The following COL11A1 variants were observed in gnomAD, a reference collection of about 807,000 sequenced individuals.
The protein encoded by COL11A1 is collagen alpha-1(XI) chain.
Under a neutral mutation model 265.2 loss-of-function variants are expected in COL11A1, and 74 were observed. That is an observed-to-expected ratio of 0.28 (90% CI 0.23 to 0.34). The LOEUF (loss-of-function observed/expected upper bound fraction) is 0.34, where lower values mean the gene tolerates loss of function less well. Among genes scored for constraint, COL11A1 ranks in the 10% least tolerant of loss-of-function variants. COL11A1 has a pLI of 1.00. For missense variants in COL11A1, 2,165 were observed against 2,263.6 expected (o/e 0.96, Z 0.88); for synonymous variants, 816 against 727.6 (o/e 1.12, Z -1.96).
intron 54 of COL11A1, among the ~76,000 whole-genome samples, chr1:102,903,342 G>A (rs185215412): frequency 6.6e-6 from 1 of 152,168 alleles, no homozygotes; most frequent in African/African-American, 2.4e-5. Context: ...TATTCTGTTA[G>A]GAAGTTTTAT....
chr1:103,108,435 G>T lies in COL11A1; in HGVS notation c.-257C>A, dbSNP rs1401184125. On this transcript the variant is annotated 5_prime_UTR_variant, in exon 1 of 67. Transcript: ENST00000370096. Reference sequence around the variant, plus strand: ...CGACCCTCTGATCCTTCCTCTGCCGGGCCCTGCCTTCAGAATGAAGGCAGA... The same window carrying T: ...CGACCCTCTGATCCTTCCTCTGCCGTGCCCTGCCTTCAGAATGAAGGCAGA... 1.7e-6 allele frequency: 1 copy of T among 602,304 alleles called. No individual in the cohort carries two copies. The allele number at this position is 602,304 out of a possible 1,614,324, so 37.3% of individuals were successfully genotyped here. A position where few individuals can be genotyped will look rare whatever the true frequency, so the allele number is the denominator to read the frequency against.
At chr1:102,908,056 A>G (rs1023219442) in intron 54 of COL11A1, among the ~76,000 whole-genome samples, 1 of 152,104 alleles carries the variant, frequency 6.6e-6, no homozygotes, top group Admixed American at 6.6e-5. Context: ...TTTTGAAAAC[A>G]TTCTTCCCAA....
intron 63 of COL11A1, chr1:102,884,590 G>A (rs1278432634): frequency 6.6e-6 from 1 of 152,180 alleles, no homozygotes; most frequent in Admixed American, 6.5e-5. Flanking sequence ...CTTCCTCTGG[G>A]AACACTAAAC....
chr1:103,096,692 T>G (rs1365544473), intron 1 of COL11A1, among the ~76,000 whole-genome samples: 2 of 151,968 alleles, frequency 1.3e-5, no homozygotes, highest in Non-Finnish European at 2.9e-5. Flanking sequence ...TTGAATAATT[T>G]CCACTGAAAG....
At position 103,004,661 on chromosome 1, in the gene COL11A1, C is replaced by G; in HGVS notation, c.1846G>C (p.Gly616Arg). 6.2e-7 allele frequency: 1 copy of G among 1,608,630 alleles called. No homozygotes were observed. Residue 616 changes from glycine (G) to arginine (R), a missense_variant and splice_region_variant, in exon 19 of 67, where the codon GGT becomes CGT. Transcript: ENST00000370096. ...PGLPGDKGHR[G>R]ERGPQGPPGP... is the part of the protein sequence containing the mutation. ...GGAGGACCTTGAGGACCTCGTTCAC[C>G]CTGTTAAATCAATACAAATAAGATT...
intron 57 of COL11A1, among the ~76,000 whole-genome samples, chr1:102,891,997 A>T (rs10874662): frequency 6.6e-6 from 1 of 151,938 alleles, no homozygotes; most frequent in Non-Finnish European, 1.5e-5. Context: ...ATACAAGTGA[A>T]ACTACGCAGG....
chr1:102,888,077 A>G (rs1291942191), intron 62 of COL11A1, among the ~76,000 whole-genome samples: 1 of 152,226 alleles, frequency 6.6e-6, no homozygotes, highest in East Asian at 1.9e-4. Context: ...TTTTAGCTCA[A>G]GAAAGAAGAA....
At chr1:103,063,201 T>A (rs946940460) in intron 4 of COL11A1, among the ~76,000 whole-genome samples, 2 of 152,076 alleles carry the variant, frequency 1.3e-5, no homozygotes, top group Non-Finnish European at 2.9e-5. Flanking sequence ...ATTTTGTGGA[T>A]CTTTCCAAAC....
At chr1:102,879,561 G>A (rs949586820) in intron 66 of COL11A1, 122 bp downstream of exon 66, 2 of 822,274 alleles carry the variant, frequency 2.4e-6, no homozygotes, top group Non-Finnish European at 2.0e-6. Flanking sequence ...TCAAGATTAA[G>A]CAACAAATGT....
At chr1:103,007,627 G>A (rs1236754232) in intron 15 of COL11A1, among the ~76,000 whole-genome samples, 3 of 152,054 alleles carry the variant, frequency 2.0e-5, no homozygotes, top group Non-Finnish European at 4.4e-5. Flanking sequence ...GGAGGCCCAG[G>A]AGGGCAGATT....
At position 102,939,050 on chromosome 1, in the gene COL11A1, A is replaced by G; in HGVS notation, c.3423T>C (p.Gly1141=). 1 of 1,613,740 alleles carries G rather than the reference A, an allele frequency of 6.2e-7. No homozygotes were observed. Among genetic ancestry groups the G allele is most frequent in the Non-Finnish European group, 8.5e-7 (1 of 1,179,830 alleles). The change falls in exon 44 of 67, where the codon GGT becomes GGC. Residue 1141 remains glycine (G), a synonymous_variant. Coordinates refer to ENST00000370096, the MANE Select transcript of COL11A1 (RefSeq NM_001854.4). The part of the protein sequence containing the change: ...IGEPGQKGSK[G]DKGENGPPGP... ...GGAAACTCACATTTTCTCCCTTGTCACCCTTGCTGCCTTTTTGTCCCGGCT... is the reference window on the plus strand; with the variant it reads ...GGAAACTCACATTTTCTCCCTTGTCGCCCTTGCTGCCTTTTTGTCCCGGCT...
intron 30 of COL11A1, among the ~76,000 whole-genome samples, chr1:102,985,809 T>C (rs1451544465): frequency 6.6e-6 from 1 of 152,198 alleles, no homozygotes; most frequent in East Asian, 1.9e-4. Flanking sequence ...TTTTAACCAC[T>C]GGCCTTGAGC....
intron 5 of COL11A1, among the ~76,000 whole-genome samples, chr1:103,030,319 G>C (rs552520895): frequency 1.3e-5 from 2 of 152,076 alleles, no homozygotes; most frequent in Admixed American, 1.3e-4. Flanking sequence ...AAGTAAAGTA[G>C]TGTCAAAAAC....
chr1:102,995,904 G>T lies in COL11A1; in HGVS notation c.2300C>A (p.Ala767Glu), dbSNP rs372933541. Residue 767 changes from alanine to glutamate, a missense_variant, in exon 28 of 67, where the codon GCA becomes GAA. By Grantham distance (107) the Ala-to-Glu change is moderately radical (BLOSUM62 -1). Coordinates refer to ENST00000370096, the MANE Select transcript of COL11A1 (RefSeq NM_001854.4). ...GYPGPRGVKG[A>E]DGVRGLKGSK... ...TCCCTTGAGACCTCTGACACCATCT[G>T]CTCCCTGTGGAATAAATTAGAAGTA... is the stretch of plus-strand genomic sequence containing the variant. 3.1e-6 allele frequency: 5 copies of T among 1,611,478 alleles called. No homozygotes were observed. In the African/African-American group the frequency reaches 6.7e-5, roughly 22 times the overall value.
chr1:102,962,414 A>G (rs1661005576), intron 39 of COL11A1, 149 bp from the exon 40 acceptor site: 4 of 759,284 alleles, frequency 5.3e-6, no homozygotes, highest in Non-Finnish European at 9.0e-6. Flanking sequence ...ATGCATTAAA[A>G]TGAACTACCC....
chr1:102,979,569 T>G (rs777305220), intron 31 of COL11A1, 134 bp from the exon 32 acceptor site: 34 of 727,304 alleles, frequency 4.7e-5, no homozygotes, highest in Middle Eastern at 4.6e-4. Flanking sequence ...TTTTAAGATA[T>G]CATCGAAGTA....
intron 4 of COL11A1, among the ~76,000 whole-genome samples, chr1:103,071,698 C>T (rs538698614): frequency 6.0e-5 from 9 of 151,070 alleles, no homozygotes; most frequent in African/African-American, 2.2e-4. Context: ...ACAGAGGGAC[C>T]CACGAGGACT....
At chr1:102,919,369 T>A (rs1194566739) in intron 49 of COL11A1, among the ~76,000 whole-genome samples, 1 of 151,732 alleles carries the variant, frequency 6.6e-6, no homozygotes, top group Non-Finnish European at 1.5e-5. Flanking sequence ...TACATTTTTC[T>A]GAGAATTAAA....
At position 102,927,835 on chromosome 1, in the gene COL11A1, C is replaced by A. The variant is rs544420406; in HGVS notation, c.3601-4446G>T. Reference sequence around the variant, plus strand: ...ATGATAATAATCGATCTTAAATGATCGACTTAATTTATTTTACCTATTATT... The same window carrying A: ...ATGATAATAATCGATCTTAAATGATAGACTTAATTTATTTTACCTATTATT... On this transcript the variant is annotated intron_variant, in intron 46 of 66. Transcript: ENST00000370096. Among the ~76,000 whole-genome samples, 4 of 152,118 alleles carry A rather than the reference C, an allele frequency of 2.6e-5. No individual in the cohort carries two copies. In the South Asian group the frequency reaches 8.3e-4, roughly 32 times the overall value.
Sources: gnomAD v4.1 joint callset for allele counts (sites outside exome capture counted in the v4.1 genomes callset) on GRCh38, gnomAD v4.1.1 for gene constraint, MANE v1.5 for transcripts, NCBI Gene and HGNC (gene_info 2026-07-23, HGNC 2026-07-21) for gene names.